Variants in DOCK1 observed in about 807,000 individuals in gnomAD.
The protein encoded by DOCK1 is dedicator of cytokinesis 1.
DOCK1 carries 138 observed loss-of-function variants against 262.7 expected under a neutral mutation model. That is an observed-to-expected ratio of 0.53 (90% CI 0.46 to 0.61). DOCK1 has a LOEUF of 0.61. DOCK1 is among the 20% of genes least tolerant of loss of function. The probability of loss-of-function intolerance (pLI) is 0.00; values close to 1 mark genes in which losing one functional copy is unlikely to be tolerated. For missense variants in DOCK1, 1,908 were observed against 2,370.7 expected (o/e 0.80, Z 4.05); for synonymous variants, 866 against 867.4 (o/e 1.00, Z 0.03).
rs749309075 is a variant in DOCK1 at position 127,031,738 on chromosome 10, T to C, written c.1713T>C (p.Asp571=). ...DGTTLRDGEH[D]LIVYKAEAKK... is the part of the protein sequence containing the mutation. Reference sequence around the variant, plus strand: ...CCACCCTGCGAGACGGAGAGCACGATCTTATCGTCTATAAGGTATCTGGTT... The same window carrying C: ...CCACCCTGCGAGACGGAGAGCACGACCTTATCGTCTATAAGGTATCTGGTT... The change falls in exon 17 of 52, where the codon GAT becomes GAC. Residue 571 remains aspartate (D), a synonymous_variant. Transcript: ENST00000623213. 1 of 1,613,024 alleles carries C rather than the reference T, an allele frequency of 6.2e-7. No homozygotes were observed. The highest frequency in any genetic ancestry group is 1.1e-5 in the South Asian group (1 of 90,802).
At chr10:127,400,259 A>G (rs1031281457) in intron 38 of DOCK1, among the ~76,000 whole-genome samples, 14 of 151,692 alleles carry the variant, frequency 9.2e-5, no homozygotes, top group African/African-American at 3.4e-4. Context: ...TAAGTAAAAC[A>G]GTGTTCTTAA....
chr10:127,168,025 C>T (rs770868851), intron 27 of DOCK1, among the ~76,000 whole-genome samples: 5 of 152,120 alleles, frequency 3.3e-5, no homozygotes, highest in South Asian at 4.1e-4. Flanking sequence ...ATTTCATCTC[C>T]AAGAGAAGCC....
intron 1 of DOCK1, among the ~76,000 whole-genome samples, chr10:126,965,269 C>T (rs1303808383): frequency 6.6e-6 from 1 of 151,974 alleles, no homozygotes; most frequent in Non-Finnish European, 1.5e-5. Flanking sequence ...GTGGGGCAGT[C>T]GGAGGCGGAG....
chr10:127,122,533 G>T (rs1226060651), intron 25 of DOCK1, among the ~76,000 whole-genome samples: 1 of 151,890 alleles, frequency 6.6e-6, no homozygotes, highest in African/African-American at 2.4e-5. Flanking sequence ...AGTAGACATC[G>T]CCCCACCTCC....
At chr10:127,153,801 A>C (rs376140868) in intron 27 of DOCK1, 5 of 1,405,142 alleles carry the variant, frequency 3.6e-6, no homozygotes, top group Non-Finnish European at 5.0e-6. Flanking sequence ...GTGGGTAAAC[A>C]TCATTTGTCA....
intron 40 of DOCK1, among the ~76,000 whole-genome samples, chr10:127,404,894 G>A (rs1565065354): frequency 6.6e-6 from 1 of 152,162 alleles, no homozygotes; most frequent in African/African-American, 2.4e-5. Context: ...TCTACTTTGT[G>A]TCTCTATGAA....
intron 33 of DOCK1, among the ~76,000 whole-genome samples, chr10:127,365,304 A>G (rs1298695880): frequency 6.6e-6 from 1 of 152,232 alleles, no homozygotes; most frequent in Non-Finnish European, 1.5e-5. Context: ...ACGGATTTCA[A>G]ATATTTTTGT....
chr10:127,413,592 C>T (rs934442013), intron 43 of DOCK1, among the ~76,000 whole-genome samples: 13 of 152,128 alleles, frequency 8.5e-5, no homozygotes, highest in African/African-American at 2.9e-4. Context: ...AGGGCACTGA[C>T]GAGGAGGAAG....
At chr10:126,914,179 G>A (rs2032201172) in intron 1 of DOCK1, among the ~76,000 whole-genome samples, 1 of 152,312 alleles carries the variant, frequency 6.6e-6, no homozygotes, top group East Asian at 1.9e-4. Context: ...TTTAATGTTA[G>A]CTCTGAGGTT....
chr10:127,324,288 C>A (rs1230090421), intron 29 of DOCK1, among the ~76,000 whole-genome samples: 5 of 152,200 alleles, frequency 3.3e-5, no homozygotes, highest in Admixed American at 2.0e-4. Flanking sequence ...CATGAAGTGG[C>A]CTTAACCGTC....
At chr10:127,206,612 G>A (rs1267868019) in intron 27 of DOCK1, among the ~76,000 whole-genome samples, 1 of 152,066 alleles carries the variant, frequency 6.6e-6, no homozygotes, top group Non-Finnish European at 1.5e-5. Context: ...GTTCTCCAAA[G>A]TCCCCCTCCA....
At chr10:127,204,922 T>C (rs1165383542) in intron 27 of DOCK1, among the ~76,000 whole-genome samples, 1 of 152,122 alleles carries the variant, frequency 6.6e-6, no homozygotes, top group Non-Finnish European at 1.5e-5. Flanking sequence ...CCCTCCCCAT[T>C]TGACTGTGGG....
chr10:127,266,355 G>C (rs1027192005), intron 29 of DOCK1, among the ~76,000 whole-genome samples: 1 of 151,890 alleles, frequency 6.6e-6, no homozygotes, highest in Non-Finnish European at 1.5e-5. Flanking sequence ...ATATTTATTG[G>C]CTTACTATTG....
intron 47 of DOCK1, among the ~76,000 whole-genome samples, chr10:127,429,348 A>G (rs1241077614): frequency 1.3e-5 from 2 of 152,110 alleles, no homozygotes; most frequent in Admixed American, 6.5e-5. Flanking sequence ...TTGAGAGTCA[A>G]GGGGACTGGC....
chr10:126,941,467 C>T (rs1244024497), intron 1 of DOCK1, among the ~76,000 whole-genome samples: 3 of 152,150 alleles, frequency 2.0e-5, no homozygotes, highest in Non-Finnish European at 2.9e-5. Context: ...AGTTAAACAG[C>T]ATCTGTGGGC....
At position 127,444,136 on chromosome 10, in the gene DOCK1, T is replaced by C. The variant is rs2070373787; in HGVS notation, c.5270T>C (p.Leu1757Pro). 1 of 1,563,882 alleles carries C rather than the reference T, an allele frequency of 6.4e-7. No homozygotes were observed. Among genetic ancestry groups the C allele is most frequent in the Non-Finnish European group, 8.7e-7 (1 of 1,154,560 alleles). Residue 1757 changes from leucine (L) to proline (P), a missense_variant, in exon 50 of 52, where the codon CTG becomes CCG. Physicochemically the swap from Leu to Pro is moderately conservative, Grantham distance 98 (BLOSUM62 -3). Coordinates refer to ENST00000623213, the MANE Select transcript of DOCK1 (RefSeq NM_001290223.2). ...GTCCTTTTGATGTAGATAAGTCCCC[T>C]GCGGCCCCAGAGACCGAAGAGCCAG... ...AVILSETISP[L>P]RPQRPKSQVM...
intron 29 of DOCK1, among the ~76,000 whole-genome samples, chr10:127,312,978 C>A (rs2062120484): frequency 6.6e-6 from 1 of 152,166 alleles, no homozygotes; most frequent in African/African-American, 2.4e-5. Context: ...ACTCCCCTAG[C>A]CTGGCCATTG....
chr10:127,429,802 G>C, intron 47 of DOCK1, among the ~76,000 whole-genome samples: 1 of 152,210 alleles, frequency 6.6e-6, no homozygotes, highest in African/African-American at 2.4e-5. Context: ...TGGCCCCCGT[G>C]CCCTCACCGG....
rs534835489 is a variant in DOCK1 at position 127,098,765 on chromosome 10, G to A, written c.2446-7466G>A. On this transcript the variant is annotated intron_variant, in intron 23 of 51. Transcript: ENST00000623213. ...TGTCTTTCGGCAGATAAGATTCCACGCAGCACCATCTATCCACAGGGCAGA... is the reference window on the plus strand; with the variant it reads ...TGTCTTTCGGCAGATAAGATTCCACACAGCACCATCTATCCACAGGGCAGA... Among the ~76,000 whole-genome samples the A allele has an allele frequency of 4.9e-4, 75 of 152,112 alleles. No homozygotes were observed. In the South Asian group the frequency reaches 0.014, roughly 27 times the overall value.
Sources: allele counts gnomAD v4.1 joint callset (sites outside exome capture counted in the v4.1 genomes callset), GRCh38; gene constraint gnomAD v4.1.1; transcripts MANE v1.5; gene names NCBI Gene and HGNC (gene_info 2026-07-23, HGNC 2026-07-21).